The following ATP8B1 variants were observed in gnomAD, a reference collection of about 807,000 sequenced individuals.
ATP8B1 encodes ATPase phospholipid transporting 8B1.
In ATP8B1, 80 loss-of-function variants were observed where a neutral mutation model predicts 149.9. The ratio of observed to expected loss-of-function variants is 0.53; its 90% confidence interval spans 0.45 to 0.64. The LOEUF (loss-of-function observed/expected upper bound fraction) is 0.64, where lower values mean the gene tolerates loss of function less well. Among genes scored for constraint, ATP8B1 ranks in the 30% least tolerant of loss-of-function variants. The pLI is 0.00. For synonymous variants in ATP8B1, 536 were observed against 562.8 expected (o/e 0.95, Z 0.67); for missense variants, 1,247 against 1,552.6 (o/e 0.80, Z 3.31).
At chr18:57,716,512 A>G (rs1036309113) in intron 2 of ATP8B1, among the ~76,000 whole-genome samples, 11 of 152,214 alleles carry the variant, frequency 7.2e-5, no homozygotes, top group African/African-American at 2.7e-4. Context: ...ATGCCAATGG[A>G]AAGCAAAAAA....
At chr18:57,706,352 A>G (rs538378650) in intron 3 of ATP8B1, 138 bp downstream of exon 3, 21 of 713,058 alleles carry the variant, frequency 2.9e-5, no homozygotes, top group Admixed American at 1.1e-4. Flanking sequence ...ATGACATTCT[A>G]TAGAAACAAT....
intron 27 of ATP8B1, 62 bp downstream of exon 27, chr18:57,650,305 T>C (rs538894575): frequency 1.4e-5 from 23 of 1,592,146 alleles, no homozygotes; most frequent in East Asian, 4.5e-5. Flanking sequence ...GGAAACGTGC[T>C]GTTGGGAAAC....
intron 27 of ATP8B1, 97 bp downstream of exon 27, chr18:57,650,270 C>A: frequency 6.8e-7 from 1 of 1,478,046 alleles, no homozygotes; most frequent in Non-Finnish European, 9.4e-7. Flanking sequence ...TCTTACCAAA[C>A]TTCCCATGAG....
rs181569113 is a variant in ATP8B1, at chr18:57,699,822, A to C, written c.554+1217T>G. Among the ~76,000 whole-genome samples the C allele has an allele frequency of 3.4e-4, 52 of 152,214 alleles. No homozygotes were observed. The East Asian group carries it at 7.0e-3, about 20-fold the overall frequency. ...CCTGCCTCGGCCTCCCAAAGTGCTG[A>C]GATTACAGGCGTGAGCCACCGTGCC... On this transcript the variant is annotated intron_variant, in intron 6 of 27. Transcript: ENST00000648908.
At chr18:57,744,306 T>TAAAAA (rs2079944633) in intron 1 of ATP8B1, among the ~76,000 whole-genome samples, 1 of 13,558 alleles carries the variant, frequency 7.4e-5, no homozygotes. Context: ...TGAGACTGTC[T>TAAAAA]CAAAAAAAAA....
chr18:57,684,165 C>T lies in ATP8B1; in HGVS notation c.1501G>A (p.Ala501Thr), dbSNP rs777716024. The stretch of plus-strand genomic sequence containing the variant: ...TCATAAAATGCAAGCTTCCCATCAG[C>T]ATATGTATTCCAGCTAAAATCAACT... ...EQVDFSWNTY[A>T]DGKLAFYDHY... is the part of the protein sequence containing the mutation. Residue 501 changes from alanine (A) to threonine (T), a missense_variant, in exon 15 of 28, where the codon GCT becomes ACT. By Grantham distance (58) the Ala-to-Thr change is moderately conservative (BLOSUM62 0). This residue lies in a region of ATP8B1 where 853 missense variants were observed against 1,035.7 expected (regional missense o/e 0.82). Transcript: ENST00000648908. The T allele has an allele frequency of 1.1e-5, 18 of 1,613,950 alleles. No homozygotes were observed. In the South Asian group the frequency reaches 1.9e-4, roughly 17 times the overall value.
intron 1 of ATP8B1, among the ~76,000 whole-genome samples, chr18:57,766,518 AC>A (rs2080213120): frequency 6.6e-6 from 1 of 152,216 alleles, no homozygotes; most frequent in African/African-American, 2.4e-5. Flanking sequence ...CAAAAATCAC[AC>A]ATCCTACCTT....
At chr18:57,769,214 G>A (rs1487817273) in intron 1 of ATP8B1, among the ~76,000 whole-genome samples, 2 of 152,136 alleles carry the variant, frequency 1.3e-5, no homozygotes, top group African/African-American at 2.4e-5. Context: ...GGAAGGCCTG[G>A]CCGCCATTCC....
chr18:57,689,431 G>A (rs747611888), intron 12 of ATP8B1, among the ~76,000 whole-genome samples: 2 of 152,122 alleles, frequency 1.3e-5, no homozygotes, highest in Non-Finnish European at 2.9e-5. Context: ...AACTATAAGG[G>A]ACATTACCTA....
At chr18:57,769,132 T>TA (rs1311568119) in intron 1 of ATP8B1, among the ~76,000 whole-genome samples, 1 of 152,110 alleles carries the variant, frequency 6.6e-6, no homozygotes, top group Non-Finnish European at 1.5e-5. Flanking sequence ...GACCCAGGCA[T>TA]ATTAAGGGGA....
At chr18:57,757,025 A>T (rs1313180681) in intron 1 of ATP8B1, among the ~76,000 whole-genome samples, 1 of 152,152 alleles carries the variant, frequency 6.6e-6, no homozygotes, top group South Asian at 2.1e-4. Context: ...TACAATGGCC[A>T]TGAAAGGATG....
At chr18:57,727,189 C>T (rs894478609) in intron 2 of ATP8B1, among the ~76,000 whole-genome samples, 7 of 152,154 alleles carry the variant, frequency 4.6e-5, no homozygotes, top group African/African-American at 1.7e-4. Context: ...CCTCACCCTG[C>T]GGCTTTACAA....
chr18:57,653,903 C>A, intron 24 of ATP8B1, 89 bp downstream of exon 24: 1 of 1,182,180 alleles, frequency 8.5e-7, no homozygotes, highest in South Asian at 1.3e-5. Context: ...GAAGTAAACA[C>A]CAGAAGAATG....
In ATP8B1 at chr18:57,768,572, T is replaced by G. The variant is rs183493914; in HGVS notation, c.-26+34426A>C. On this transcript the variant is annotated intron_variant, in intron 1 of 27. Transcript: ENST00000648908. Reference sequence around the variant, plus strand: ...GATTAGAATTCTAAAAGGCCATTTTTACTGTTTACATGCCAAAAAAAAAAA... The same window carrying G: ...GATTAGAATTCTAAAAGGCCATTTTGACTGTTTACATGCCAAAAAAAAAAA... Among the ~76,000 whole-genome samples, 12 of 143,270 alleles carry G rather than the reference T, an allele frequency of 8.4e-5. No individual in the cohort carries two copies. In the East Asian group the frequency reaches 2.4e-3, roughly 29 times the overall value. 94.0% of individuals were successfully genotyped at this position (143,270 alleles called of 152,430 possible). A position where few individuals can be genotyped will look rare whatever the true frequency, so the allele number is the denominator to read the frequency against.
intron 20 of ATP8B1, among the ~76,000 whole-genome samples, chr18:57,664,508 A>G (rs1293170967): frequency 1.3e-5 from 2 of 151,556 alleles, no homozygotes; most frequent in African/African-American, 2.4e-5. Flanking sequence ...TAAGAAAAAA[A>G]AAAAAAAAAA....
At chr18:57,779,243 A>C (rs986609632) in intron 1 of ATP8B1, among the ~76,000 whole-genome samples, 1 of 152,002 alleles carries the variant, frequency 6.6e-6, no homozygotes, top group African/African-American at 2.4e-5. Flanking sequence ...TGAGCCTGGG[A>C]GGTCGAGGCT....
chr18:57,742,831 A>G (rs2123218350), intron 1 of ATP8B1, among the ~76,000 whole-genome samples: 1 of 152,004 alleles, frequency 6.6e-6, no homozygotes, highest in African/African-American at 2.4e-5. Context: ...CTCTATAAAA[A>G]AAAAAAAAAC....
intron 1 of ATP8B1, among the ~76,000 whole-genome samples, chr18:57,751,328 A>G (rs2080016597): frequency 6.6e-6 from 1 of 151,764 alleles, no homozygotes; most frequent in South Asian, 2.1e-4. Context: ...TACAAAATAT[A>G]TATATATATA....
intron 1 of ATP8B1, among the ~76,000 whole-genome samples, chr18:57,768,490 A>G (rs1449445112): frequency 6.7e-6 from 1 of 150,326 alleles, no homozygotes; most frequent in African/African-American, 2.4e-5. Context: ...CTCCAAAGCC[A>G]TCTGTAAATC....
Sources: allele counts gnomAD v4.1 joint callset (sites outside exome capture counted in the v4.1 genomes callset), GRCh38; gene constraint gnomAD v4.1.1; regional missense constraint gnomAD v4.1.1; transcripts MANE v1.5; gene names NCBI Gene and HGNC (gene_info 2026-07-23, HGNC 2026-07-21).